The following KDM4C variants were observed in gnomAD, a reference collection of about 807,000 sequenced individuals.
KDM4C encodes the protein lysine-specific demethylase 4C.
KDM4C carries 81 observed loss-of-function variants against 129.3 expected under a neutral mutation model. The observed-to-expected ratio is 0.63, with a 90% confidence interval of 0.52 to 0.75. The LOEUF is 0.75. Ranked by LOEUF, KDM4C falls within the 30% of genes least tolerant of loss-of-function variation. The pLI, the probability that KDM4C is intolerant of heterozygous loss-of-function variation, is 0.00. For synonymous variants in KDM4C, 573 were observed against 456.1 expected (o/e 1.26, Z -3.26); for missense variants, 1,457 against 1,304.0 (o/e 1.12, Z -1.81).
chr9:6,812,932 T>C (rs1831425684), intron 3 of KDM4C, among the ~76,000 whole-genome samples: 1 of 151,988 alleles, frequency 6.6e-6, no homozygotes, highest in Non-Finnish European at 1.5e-5. Flanking sequence ...ATCCCAGGAG[T>C]TGGGAGGCCG....
intron 8 of KDM4C, among the ~76,000 whole-genome samples, chr9:6,929,720 G>A (rs1563831409): frequency 1.3e-5 from 2 of 152,000 alleles, no homozygotes; most frequent in Non-Finnish European, 2.9e-5. Flanking sequence ...CAATCCGGGT[G>A]TATTTGACCC....
Position 6,758,613 on chromosome 9 carries a change from T to G in KDM4C, c.-18+410T>G, listed in dbSNP as rs1818759997. 6.6e-6 allele frequency among the ~76,000 whole-genome samples: 1 copy of G among 152,096 alleles called. No individual in the cohort carries two copies. Among genetic ancestry groups the G allele is most frequent in the South Asian group, 2.1e-4 (1 of 4,830 alleles). ...GCACCCCTCGGGGCCCTCCCTTCCC[T>G]GGGAGTGTCACGACCCGCGGGGTGA... is the stretch of plus-strand genomic sequence containing the variant. On this transcript the variant is annotated intron_variant, in intron 1 of 21. Coordinates refer to ENST00000381309, the MANE Select transcript of KDM4C (RefSeq NM_015061.6). The surrounding 1 kb of genome is among the most constrained non-coding windows in gnomAD (Gnocchi z 4.6).
At position 6,956,615 on chromosome 9, in the gene KDM4C, C is replaced by T. The variant is rs192175327; in HGVS notation, c.922-24310C>T. On this transcript the variant is annotated intron_variant, in intron 8 of 21. Coordinates refer to ENST00000381309, the MANE Select transcript of KDM4C (RefSeq NM_015061.6). ...TTTGTTTATGTATTATCTAAGGTTG[C>T]GTTTGTACTACAATGGCTGACTTGA... Among the ~76,000 whole-genome samples the T allele has an allele frequency of 2.7e-3, 415 of 152,158 alleles. 1 individual carries two copies. Among genetic ancestry groups the T allele is most frequent in the African/African-American group, 6.7e-3 (280 of 41,512 alleles).
intron 8 of KDM4C, among the ~76,000 whole-genome samples, chr9:6,914,438 A>G (rs918283951): frequency 9.2e-5 from 14 of 152,208 alleles, no homozygotes; most frequent in Non-Finnish European, 2.9e-5. Context: ...TTTCCTGGCT[A>G]CTTGTAATAC....
At chr9:7,132,885 C>T (rs1369824882) in intron 19 of KDM4C, among the ~76,000 whole-genome samples, 1 of 152,160 alleles carries the variant, frequency 6.6e-6, no homozygotes. Context: ...GAAACAGGAC[C>T]ATTTAGAAAT....
chr9:7,159,004 C>T (rs1214475812), intron 19 of KDM4C, among the ~76,000 whole-genome samples: 1 of 152,134 alleles, frequency 6.6e-6, no homozygotes, highest in Non-Finnish European at 1.5e-5. Flanking sequence ...TAAGGACTTG[C>T]TTTATGAATC....
chr9:6,866,092 A>C (rs6477121), intron 5 of KDM4C, among the ~76,000 whole-genome samples: 81,333 of 151,406 alleles, frequency 0.54, 22,120 homozygotes, highest in Middle Eastern at 0.65. Context: ...ACCATGTTGA[A>C]CAGGCTGGTC....
At chr9:7,147,749 C>T (rs1842345048) in intron 19 of KDM4C, among the ~76,000 whole-genome samples, 1 of 152,198 alleles carries the variant, frequency 6.6e-6, no homozygotes, top group Non-Finnish European at 1.5e-5. Context: ...CAGGGTGCTC[C>T]TTGCTCTGCT....
intron 8 of KDM4C, among the ~76,000 whole-genome samples, chr9:6,912,913 A>G (rs1451860350): frequency 6.6e-6 from 1 of 152,202 alleles, no homozygotes; most frequent in Non-Finnish European, 1.5e-5. Flanking sequence ...ATATTTCAAG[A>G]ATTGTGATAT....
At chr9:6,848,792 G>C (rs1410406287) in intron 4 of KDM4C, among the ~76,000 whole-genome samples, 1 of 152,038 alleles carries the variant, frequency 6.6e-6, no homozygotes, top group Non-Finnish European at 1.5e-5. Context: ...TTGTTATACT[G>C]TTATAAAACT....
rs79878284 is a variant in KDM4C, at chr9:7,014,303, A to G, written c.2182+302A>G. On this transcript the variant is annotated intron_variant, in intron 14 of 21. Transcript: ENST00000381309. The stretch of plus-strand genomic sequence containing the variant: ...CACATGTTTGGATTTTACTTACTTT[A>G]AGATCTAGTTTATAAAAACTTAATT... 5.4e-3 allele frequency: 1,385 copies of G among 256,400 alleles called. 19 individuals are homozygous for G. Among genetic ancestry groups the G allele is most frequent in the African/African-American group, 0.028 (1,253 of 44,984 alleles). 15.9% of individuals were successfully genotyped at this position (256,400 alleles called of 1,614,324 possible). A position where few individuals can be genotyped will look rare whatever the true frequency, so the allele number is the denominator to read the frequency against.
intron 17 of KDM4C, among the ~76,000 whole-genome samples, chr9:7,071,600 A>C (rs1453476134): frequency 6.6e-6 from 1 of 152,200 alleles, no homozygotes; most frequent in African/African-American, 2.4e-5. Context: ...ATCCATACTC[A>C]TTTTATGTAC....
At chr9:6,801,214 C>A (rs901567756) in intron 2 of KDM4C, among the ~76,000 whole-genome samples, 2 of 148,032 alleles carry the variant, frequency 1.4e-5, no homozygotes, top group Admixed American at 1.3e-4. Flanking sequence ...TAAAGTAGAC[C>A]ATTTTTATGT....
intron 5 of KDM4C, among the ~76,000 whole-genome samples, chr9:6,878,304 G>A (rs1843884016): frequency 1.3e-5 from 2 of 152,124 alleles, no homozygotes. Flanking sequence ...TTAATAATTA[G>A]TTATGATTTT....
intron 5 of KDM4C, among the ~76,000 whole-genome samples, chr9:6,869,354 A>G (rs1842519341): frequency 6.6e-6 from 1 of 152,188 alleles, no homozygotes; most frequent in East Asian, 1.9e-4. Context: ...CAGGCACCTC[A>G]TTCTCCAGGC....
chr9:6,874,375 G>C (rs750046437), intron 5 of KDM4C, among the ~76,000 whole-genome samples: 1 of 152,032 alleles, frequency 6.6e-6, no homozygotes. Context: ...AAAAGCCCCG[G>C]GTTTTTTTAA....
chr9:6,951,859 A>G (rs1239646292), intron 8 of KDM4C, among the ~76,000 whole-genome samples: 1 of 152,234 alleles, frequency 6.6e-6, no homozygotes, highest in African/African-American at 2.4e-5. Flanking sequence ...CAATAGCAAT[A>G]TTATTTAAAT....
intron 4 of KDM4C, among the ~76,000 whole-genome samples, chr9:6,817,393 C>G (rs954210302): frequency 6.6e-6 from 1 of 151,842 alleles, no homozygotes; most frequent in African/African-American, 2.4e-5. Flanking sequence ...TTTGTAAAGA[C>G]AGGGTCTTCC....
rs145712230 is a variant in KDM4C, at chr9:7,139,181, G to C, written c.2781+10945G>C. Among the ~76,000 whole-genome samples, 178 of 152,222 alleles carry C rather than the reference G, an allele frequency of 1.2e-3. 1 individual carries two copies. The highest frequency in any genetic ancestry group is 1.8e-3 in the Admixed American group (28 of 15,296). On this transcript the variant is annotated intron_variant, in intron 19 of 21. Coordinates refer to ENST00000381309, the MANE Select transcript of KDM4C (RefSeq NM_015061.6). Reference sequence around the variant, plus strand: ...TCCCAGGTACTCAGGAGGCTGAGGTGGGAGGATCACTTGAGCCTGGGAGGC... The same window carrying C: ...TCCCAGGTACTCAGGAGGCTGAGGTCGGAGGATCACTTGAGCCTGGGAGGC...
Sources: allele counts gnomAD v4.1 joint callset (sites outside exome capture counted in the v4.1 genomes callset), GRCh38; gene constraint gnomAD v4.1.1; non-coding constraint Gnocchi (gnomAD v3.1); transcripts MANE v1.5; gene names NCBI Gene and HGNC (gene_info 2026-07-23, HGNC 2026-07-21).